The following DIP2B variants were observed in gnomAD, a reference collection of about 807,000 sequenced individuals.
The protein encoded by DIP2B is DIP2 acetate--CoA ligase B (putative), also known as disco-interacting protein 2 homolog B.
Under a neutral mutation model 198.0 loss-of-function variants are expected in DIP2B, and 76 were observed. That is an observed-to-expected ratio of 0.38 (90% CI 0.32 to 0.46). The LOEUF is 0.46. Ranked by LOEUF, DIP2B falls within the 20% of genes least tolerant of loss-of-function variation. DIP2B has a pLI of 0.99. For missense variants in DIP2B, 1,559 were observed against 1,978.4 expected (o/e 0.79, Z 4.02); for synonymous variants, 701 against 739.1 (o/e 0.95, Z 0.84).
chr12:50,513,873 CAA>C (rs58479646), intron 1 of DIP2B, among the ~76,000 whole-genome samples: 5 of 127,098 alleles, frequency 3.9e-5, no homozygotes, highest in Admixed American at 1.6e-4. Flanking sequence ...GACTCCGTCT[CAA>C]AAAAAAAAAA....
At chr12:50,594,856 A>G (rs1288559181) in intron 1 of DIP2B, among the ~76,000 whole-genome samples, 1 of 152,138 alleles carries the variant, frequency 6.6e-6, no homozygotes, top group Non-Finnish European at 1.5e-5. Context: ...TTTTTATTTC[A>G]CATTACTAGT....
chr12:50,527,992 A>G (rs1263337062), intron 1 of DIP2B, among the ~76,000 whole-genome samples: 2 of 151,560 alleles, frequency 1.3e-5, no homozygotes, highest in African/African-American at 4.8e-5. Context: ...CAGTAGTGTA[A>G]TCACGGCTCA....
In DIP2B at chr12:50,710,252, A is replaced by T. The variant is rs1939591508; in HGVS notation, c.2649+1690A>T. On this transcript the variant is annotated intron_variant, in intron 22 of 37. Transcript: ENST00000301180. ...CAGTAAATATTTGTTGGCTAAGTGG[A>T]TGGTCCAAAGAAAGTGTGGCCTGTC... Among the ~76,000 whole-genome samples the T allele has an allele frequency of 2.0e-5, 3 of 152,134 alleles. No individual in the cohort carries two copies. The South Asian group carries it at 6.2e-4, about 31-fold the overall frequency.
intron 1 of DIP2B, among the ~76,000 whole-genome samples, chr12:50,581,668 G>C (rs1958725356): frequency 6.6e-6 from 1 of 151,008 alleles, no homozygotes; most frequent in Non-Finnish European, 1.5e-5. Context: ...AACACTACTT[G>C]TGGTGTACGT....
chr12:50,617,496 C>T (rs994619339), intron 1 of DIP2B, among the ~76,000 whole-genome samples: 83 of 151,678 alleles, frequency 5.5e-4, no homozygotes, highest in African/African-American at 2.0e-3. Context: ...ACAGTTTCCA[C>T]AGTTGGCTGT....
intron 1 of DIP2B, among the ~76,000 whole-genome samples, chr12:50,557,839 A>G (rs1012860403): frequency 2.0e-5 from 3 of 152,142 alleles, no homozygotes; most frequent in Non-Finnish European, 2.9e-5. Context: ...TGATTGTTGA[A>G]TCATTTCTTC....
At chr12:50,697,295 A>C in intron 17 of DIP2B, 120 bp downstream of exon 17, 5 of 840,372 alleles carry the variant, frequency 5.9e-6, no homozygotes, top group African/African-American at 1.7e-5. Context: ...CAAGCATCTC[A>C]TTTTTCCCAC....
intron 1 of DIP2B, among the ~76,000 whole-genome samples, chr12:50,576,654 A>AT (rs1263269948): frequency 7.4e-5 from 11 of 148,822 alleles, no homozygotes; most frequent in Non-Finnish European, 1.5e-4. Context: ...AATTTTTTGT[A>AT]TTTTTTTTAG....
chr12:50,519,901 T>A (rs1456972874), intron 1 of DIP2B, among the ~76,000 whole-genome samples: 1 of 151,800 alleles, frequency 6.6e-6, no homozygotes, highest in Non-Finnish European at 1.5e-5. Context: ...TCTGCAAGAT[T>A]TTTTTTTCTT....
At position 50,699,046 on chromosome 12, in the gene DIP2B, C is replaced by A; in HGVS notation, c.2189-20C>A. ...TTTTCTAGAATCTTTGTCCTTTAAC[C>A]TGTATTTTCTGTACGTTAGGGATGA... On this transcript the variant is annotated intron_variant, in intron 18 of 37. Coordinates refer to ENST00000301180, the MANE Select transcript of DIP2B (RefSeq NM_173602.3). 6.2e-7 allele frequency: 1 copy of A among 1,611,810 alleles called. No homozygotes were observed. Among genetic ancestry groups the A allele is most frequent in the African/African-American group, 1.3e-5 (1 of 74,944 alleles).
At chr12:50,619,635 C>T (rs1300449744) in intron 1 of DIP2B, among the ~76,000 whole-genome samples, 1 of 152,124 alleles carries the variant, frequency 6.6e-6, no homozygotes, top group African/African-American at 2.4e-5. Flanking sequence ...ATAATTGTCC[C>T]CACTTGGCCA....
At chr12:50,683,623 A>C (rs1257787706) in intron 10 of DIP2B, among the ~76,000 whole-genome samples, 1 of 152,034 alleles carries the variant, frequency 6.6e-6, no homozygotes, top group Non-Finnish European at 1.5e-5. Flanking sequence ...CTACTAAAAA[A>C]TACAAAAAAA....
At chr12:50,566,129 A>G (rs553380085) in intron 1 of DIP2B, among the ~76,000 whole-genome samples, 113 of 152,036 alleles carry the variant, frequency 7.4e-4, no homozygotes, top group Non-Finnish European at 1.5e-3. Context: ...TGCAGCCTCA[A>G]CCTCCTGAAC....
intron 11 of DIP2B, 127 bp downstream of exon 11, chr12:50,686,083 T>A: frequency 9.9e-7 from 1 of 1,005,376 alleles, no homozygotes; most frequent in Non-Finnish European, 1.4e-6. Context: ...TCTTATGAAG[T>A]AGGTACCATT....
At chr12:50,714,703 G>A in intron 23 of DIP2B, 107 bp downstream of exon 23, 1 of 1,366,924 alleles carries the variant, frequency 7.3e-7, no homozygotes, top group Non-Finnish European at 1.0e-6. Context: ...ACTTTGGGAG[G>A]CCAAGGTGGG....
At chr12:50,652,632 A>G (rs1487850227) in intron 3 of DIP2B, among the ~76,000 whole-genome samples, 1 of 152,066 alleles carries the variant, frequency 6.6e-6, no homozygotes, top group East Asian at 1.9e-4. Flanking sequence ...AAAGTTTAGA[A>G]TTGTTTTTTC....
At chr12:50,578,994 T>A (rs752853170) in intron 1 of DIP2B, among the ~76,000 whole-genome samples, 11 of 152,310 alleles carry the variant, frequency 7.2e-5, no homozygotes, top group African/African-American at 2.2e-4. Flanking sequence ...ATCAAGGTAG[T>A]GGCAACCTAG....
At chr12:50,596,317 T>C (rs1210797440) in intron 1 of DIP2B, among the ~76,000 whole-genome samples, 2 of 152,220 alleles carry the variant, frequency 1.3e-5, no homozygotes, top group African/African-American at 4.8e-5. Flanking sequence ...AGTTTGGTTG[T>C]CTCTCTTGCA....
chr12:50,703,239 A>C (rs1166171937), intron 19 of DIP2B, among the ~76,000 whole-genome samples: 2 of 151,908 alleles, frequency 1.3e-5, no homozygotes, highest in Non-Finnish European at 2.9e-5. Context: ...AAAAAAAAAA[A>C]AGATTTTTTT....
Sources: allele counts gnomAD v4.1 joint callset (sites outside exome capture counted in the v4.1 genomes callset), GRCh38; gene constraint gnomAD v4.1.1; transcripts MANE v1.5; gene names NCBI Gene and HGNC (gene_info 2026-07-23, HGNC 2026-07-21).